SMCHD1: variants seen among roughly 807,000 people sequenced by gnomAD.
SMCHD1 encodes the protein structural maintenance of chromosomes flexible hinge domain-containing protein 1.
Under a neutral mutation model 254.7 loss-of-function variants are expected in SMCHD1, and 78 were observed. The observed-to-expected ratio is 0.31, with a 90% CI of 0.26 to 0.37. The LOEUF (loss-of-function observed/expected upper bound fraction) is 0.37, where lower values mean the gene tolerates loss of function less well. Ranked by LOEUF, SMCHD1 falls within the 10% of genes least tolerant of loss-of-function variation. The pLI is 1.00. For synonymous variants in SMCHD1, 766 were observed against 794.9 expected, an observed-to-expected ratio of 0.96 and a Z score of 0.61; for missense variants, 1,840 against 2,408.1, an observed-to-expected ratio of 0.76 and a Z score of 4.94.
chr18:2,771,001 C>G (rs57409850), intron 39 of SMCHD1, among the ~76,000 whole-genome samples: 4,732 of 152,268 alleles, frequency 0.031, 246 homozygotes, highest in African/African-American at 0.11. Context: ...ATCATCTCTT[C>G]CCTTTTCATT....
chr18:2,709,336 G>T (rs1284806978), intron 17 of SMCHD1, among the ~76,000 whole-genome samples: 1 of 148,826 alleles, frequency 6.7e-6, no homozygotes, highest in Non-Finnish European at 1.5e-5. Context: ...GTTGTCTATC[G>T]TGAAGAATGC....
chr18:2,798,375 CAGAA>C (rs1454510758), intron 47 of SMCHD1, among the ~76,000 whole-genome samples: 2 of 152,130 alleles, frequency 1.3e-5, no homozygotes, highest in Admixed American at 6.5e-5. Context: ...AGTTTAGCAT[CAGAA>C]AGAAAGACTC....
chr18:2,790,339 T>A (rs1231664733), intron 45 of SMCHD1, among the ~76,000 whole-genome samples: 2 of 152,206 alleles, frequency 1.3e-5, no homozygotes, highest in African/African-American at 4.8e-5. Flanking sequence ...TAAGATACTT[T>A]GAGAGGGAAA....
chr18:2,780,181 G>A (rs1408203859), intron 44 of SMCHD1, among the ~76,000 whole-genome samples: 4 of 137,570 alleles, frequency 2.9e-5, no homozygotes, highest in African/African-American at 1.1e-4. Context: ...GGAGGTTGCA[G>A]TGAGCTGAGA....
rs1272971094 is a variant in SMCHD1, at chr18:2,741,115, AT to A, written c.3633+301del. Among the ~76,000 whole-genome samples, 5 of 152,154 alleles carry A rather than the reference AT, an allele frequency of 3.3e-5. 1 individual carries two copies. The East Asian group carries it at 5.8e-4, about 18-fold the overall frequency. On this transcript the variant is annotated intron_variant, in intron 28 of 47. Coordinates refer to ENST00000320876, the MANE Select transcript of SMCHD1 (RefSeq NM_015295.3). ...TATCCATAAAGATTGTGGTATATAG[AT>A]TTTTTTGATAGCTTTTCATAGTAGC...
intron 37 of SMCHD1, among the ~76,000 whole-genome samples, chr18:2,765,080 G>C (rs2075844685): frequency 6.6e-6 from 1 of 151,918 alleles, no homozygotes; most frequent in African/African-American, 2.4e-5. Context: ...AATATTTTTT[G>C]GTTTTAATCT....
At position 2,738,516 on chromosome 18, in the gene SMCHD1, T is replaced by A; in HGVS notation, c.3396T>A (p.His1132Gln). Residue 1132 changes from histidine to glutamine, a missense_variant, in exon 26 of 48, where the codon CAT (histidine) becomes CAA (glutamine). By Grantham distance (24) the His-to-Gln change is conservative (BLOSUM62 0). Coordinates refer to ENST00000320876, the MANE Select transcript of SMCHD1 (RefSeq NM_015295.3). ...GCCAGGTTTCATTCCAAGATGATCA[T>A]GTGTCTTTGGAAAGTGCGTTTACAG... ...RYCQVSFQDD[H>Q]VSLESAFTVR... The A allele has an allele frequency of 6.2e-7, 1 of 1,612,664 alleles. No individual in the cohort carries two copies. The highest frequency in any genetic ancestry group is 8.5e-7 in the Non-Finnish European group (1 of 1,179,346).
chr18:2,719,979 C>CT (rs142351061), intron 19 of SMCHD1, among the ~76,000 whole-genome samples: 29,183 of 151,874 alleles, frequency 0.19, 3,030 homozygotes, highest in South Asian at 0.27. Context: ...GTGGCCCTGT[C>CT]TAATTTTTAA....
At position 2,707,914 on chromosome 18, in the gene SMCHD1, T is replaced by C. The variant is rs1261576966; in HGVS notation, c.2254T>C (p.Leu752=). 1 of 1,581,250 alleles carries C rather than the reference T, an allele frequency of 6.3e-7. No homozygotes were observed. Among genetic ancestry groups the C allele is most frequent in the Non-Finnish European group, 8.6e-7 (1 of 1,161,468 alleles). The change falls in exon 17 of 48, where the codon TTA becomes CTA. Residue 752 remains leucine, a synonymous_variant. Coordinates refer to ENST00000320876, the MANE Select transcript of SMCHD1 (RefSeq NM_015295.3). ...ACTCCTGGTTGAGCTCAAAGTTATT[T>C]TACATTGTAAGTATACAAACTAATT... ...KKLLVELKVI[L]HSSSGNKEII...
chr18:2,693,564 T>C (rs1396492159), intron 7 of SMCHD1, among the ~76,000 whole-genome samples: 1 of 152,256 alleles, frequency 6.6e-6, no homozygotes, highest in Non-Finnish European at 1.5e-5. Context: ...AAAAATGTTA[T>C]GTGACATATG....
At chr18:2,676,878 C>T (rs985008554) in intron 5 of SMCHD1, among the ~76,000 whole-genome samples, 1 of 152,142 alleles carries the variant, frequency 6.6e-6, no homozygotes, top group Non-Finnish European at 1.5e-5. Flanking sequence ...TGAGGACAAG[C>T]GGATTCTCAT....
chr18:2,706,842 T>C (rs979277020), intron 15 of SMCHD1, among the ~76,000 whole-genome samples: 2 of 152,150 alleles, frequency 1.3e-5, no homozygotes, highest in Admixed American at 6.5e-5. Flanking sequence ...TGAGACTGGG[T>C]AATTTATAAA....
chr18:2,714,793 C>T (rs778741707), intron 17 of SMCHD1, among the ~76,000 whole-genome samples: 7 of 151,986 alleles, frequency 4.6e-5, no homozygotes, highest in Non-Finnish European at 8.8e-5. Context: ...ACTATTTTGC[C>T]TCCATTTATG....
At chr18:2,681,881 A>G (rs2073938171) in intron 5 of SMCHD1, among the ~76,000 whole-genome samples, 2 of 152,216 alleles carry the variant, frequency 1.3e-5, no homozygotes, top group Admixed American at 6.5e-5. Context: ...AAAATGCTAC[A>G]TGACCCATGC....
At chr18:2,707,027 A>G (rs1021665232) in intron 15 of SMCHD1, among the ~76,000 whole-genome samples, 2 of 152,190 alleles carry the variant, frequency 1.3e-5, no homozygotes, top group Non-Finnish European at 2.9e-5. Flanking sequence ...GTGAGAACTC[A>G]CTATCAAGAG....
chr18:2,759,090 G>A (rs996472228), intron 34 of SMCHD1, among the ~76,000 whole-genome samples: 3 of 151,934 alleles, frequency 2.0e-5, no homozygotes, highest in African/African-American at 4.8e-5. Context: ...AGTTCCTTTA[G>A]GTCTGTTGTG....
chr18:2,796,654 C>G (rs1010199399), intron 47 of SMCHD1, 133 bp downstream of exon 47: 4 of 651,100 alleles, frequency 6.1e-6, no homozygotes, highest in Non-Finnish European at 1.1e-5. Context: ...AATCTTGGCT[C>G]AGTGCAACCT....
At chr18:2,773,524 C>T (rs111472410) in intron 41 of SMCHD1, among the ~76,000 whole-genome samples, 6 of 152,192 alleles carry the variant, frequency 3.9e-5, no homozygotes, top group African/African-American at 1.4e-4. Flanking sequence ...CTCAGAAATA[C>T]AAACCCTACC....
chr18:2,763,094 T>C (rs554627342), intron 36 of SMCHD1, among the ~76,000 whole-genome samples: 1 of 152,330 alleles, frequency 6.6e-6, no homozygotes, highest in African/African-American at 2.4e-5. Context: ...GCTTGTCTAC[T>C]TTCAGTTTAT....
Sources: gnomAD v4.1 joint callset for allele counts (sites outside exome capture counted in the v4.1 genomes callset) on GRCh38, gnomAD v4.1.1 for gene constraint, MANE v1.5 for transcripts, NCBI Gene and HGNC (gene_info 2026-07-23, HGNC 2026-07-21) for gene names.